The following HECTD2 variants were observed in gnomAD, a reference collection of about 807,000 sequenced individuals.
HECTD2 encodes the protein probable E3 ubiquitin-protein ligase HECTD2.
Under a neutral mutation model 103.2 loss-of-function variants are expected in HECTD2, and 35 were observed. The ratio of observed to expected loss-of-function variants is 0.34; its 90% confidence interval spans 0.26 to 0.45. HECTD2 has a LOEUF of 0.45. Ranked by LOEUF, HECTD2 falls within the 20% of genes least tolerant of loss-of-function variation. The pLI, the probability that HECTD2 is intolerant of heterozygous loss-of-function variation, is 1.00. For missense variants in HECTD2, 596 were observed against 937.4 expected (o/e 0.64, Z 4.76); for synonymous variants, 281 against 329.9 (o/e 0.85, Z 1.61).
chr10:91,477,447 C>T (rs184991712), intron 5 of HECTD2, among the ~76,000 whole-genome samples: 41 of 152,270 alleles, frequency 2.7e-4, no homozygotes, highest in Non-Finnish European at 5.7e-4. Flanking sequence ...TTTTCTCCTG[C>T]AGCTTTTGTT....
At chr10:91,435,406 A>G (rs999714848) in intron 2 of HECTD2, among the ~76,000 whole-genome samples, 1 of 152,010 alleles carries the variant, frequency 6.6e-6, no homozygotes, top group East Asian at 1.9e-4. Context: ...CAGCAGAGAA[A>G]GAGGAGAGCA....
At chr10:91,500,059 G>A (rs1452579037) in intron 18 of HECTD2, among the ~76,000 whole-genome samples, 1 of 152,084 alleles carries the variant, frequency 6.6e-6, no homozygotes, top group Non-Finnish European at 1.5e-5. Context: ...ATCTCTGTAG[G>A]CGGTAGACTA....
intron 6 of HECTD2, among the ~76,000 whole-genome samples, chr10:91,479,981 G>C (rs1846035532): frequency 6.6e-6 from 1 of 151,904 alleles, no homozygotes; most frequent in South Asian, 2.1e-4. Context: ...AGATTTGCCT[G>C]ATTTTCTGTT....
chr10:91,460,078 G>C (rs1253436298), intron 2 of HECTD2, among the ~76,000 whole-genome samples: 1 of 152,062 alleles, frequency 6.6e-6, no homozygotes, highest in East Asian at 1.9e-4. Context: ...TAAAAACATT[G>C]AGCCTCATTG....
At chr10:91,443,636 A>G (rs1844461450) in intron 2 of HECTD2, among the ~76,000 whole-genome samples, 1 of 151,784 alleles carries the variant, frequency 6.6e-6, no homozygotes, top group Non-Finnish European at 1.5e-5. Context: ...TGCTCTCTTC[A>G]CAGCTGGCAG....
intron 9 of HECTD2, 92 bp from the exon 10 acceptor site, chr10:91,485,088 C>T (rs1157257354): frequency 3.6e-6 from 3 of 823,550 alleles, no homozygotes; most frequent in African/African-American, 1.8e-5. Flanking sequence ...TAGGTCAAGG[C>T]TGTCTTGTAG....
At chr10:91,486,673 G>A (rs1438688735) in intron 10 of HECTD2, 2 of 152,080 alleles carry the variant, frequency 1.3e-5, no homozygotes, top group African/African-American at 2.4e-5. Context: ...GAGAACCCCT[G>A]TCCTAAAGTA....
At chr10:91,438,787 G>C (rs996444534) in intron 2 of HECTD2, among the ~76,000 whole-genome samples, 3 of 152,122 alleles carry the variant, frequency 2.0e-5, no homozygotes, top group Non-Finnish European at 4.4e-5. Context: ...GCATGAGATG[G>C]TATCTCATTG....
intron 7 of HECTD2, 22 bp from the exon 8 acceptor site, chr10:91,482,945 T>A: frequency 9.0e-7 from 1 of 1,116,506 alleles, no homozygotes; most frequent in Non-Finnish European, 1.3e-6. Context: ...TTTAACACAA[T>A]TATCTTTAAT....
intron 5 of HECTD2, among the ~76,000 whole-genome samples, chr10:91,470,034 A>G (rs1216968001): frequency 6.6e-6 from 1 of 152,244 alleles, no homozygotes; most frequent in African/African-American, 2.4e-5. Flanking sequence ...TCCCAAATAT[A>G]TATGTACCTA....
Position 91,487,294 on chromosome 10 carries a change from G to A in HECTD2, c.1095-388G>A, listed in dbSNP as rs1846300023. 4.6e-6 allele frequency: 1 copy of A among 219,758 alleles called. No individual in the cohort carries two copies. Among genetic ancestry groups the A allele is most frequent in the African/African-American group, 2.3e-5 (1 of 44,064 alleles). The allele number at this position is 219,758 out of a possible 1,614,324, so 13.6% of individuals were successfully genotyped here. On this transcript the variant is annotated intron_variant, in intron 10 of 20. Coordinates refer to ENST00000298068, the MANE Select transcript of HECTD2 (RefSeq NM_182765.6). This position sits in a 1 kb window ranked among gnomAD's most constrained non-coding sequence, Gnocchi z 4.1. ...ACATCAGAAGTCACCATATAATGAT[G>A]GATTCTTATATTAATTTTGAGCACC...
chr10:91,511,589 G>A (rs1847420165), intron 20 of HECTD2, among the ~76,000 whole-genome samples: 1 of 152,086 alleles, frequency 6.6e-6, no homozygotes, highest in Non-Finnish European at 1.5e-5. Context: ...TGGTAGTTTT[G>A]GATGAAACTG....
At chr10:91,455,596 T>A (rs1845051763) in intron 2 of HECTD2, among the ~76,000 whole-genome samples, 1 of 152,156 alleles carries the variant, frequency 6.6e-6, no homozygotes, top group South Asian at 2.1e-4. Context: ...ATTTGTCAAT[T>A]TTGGCTTTTG....
intron 15 of HECTD2, among the ~76,000 whole-genome samples, chr10:91,496,792 T>C (rs148586448): frequency 0.013 from 1,941 of 152,184 alleles, 39 homozygotes; most frequent in African/African-American, 0.044. Context: ...ATGTAAAATA[T>C]AGAAAATCAT....
intron 1 of HECTD2, among the ~76,000 whole-genome samples, chr10:91,411,519 G>A (rs955743520): frequency 2.0e-5 from 3 of 152,024 alleles, no homozygotes; most frequent in African/African-American, 7.3e-5. Context: ...ATTCCTACTT[G>A]CGGTTCATTT....
intron 7 of HECTD2, among the ~76,000 whole-genome samples, chr10:91,481,431 C>A (rs978826004): frequency 3.3e-5 from 5 of 151,596 alleles, no homozygotes; most frequent in African/African-American, 1.2e-4. Context: ...CCAGAGTATT[C>A]AGGAACAAAC....
At position 91,501,328 on chromosome 10, in the gene HECTD2, C is replaced by T. The variant is rs1275867150; in HGVS notation, c.2204C>T (p.Thr735Ile). The T allele has an allele frequency of 1.3e-6, 2 of 1,583,720 alleles. No individual in the cohort carries two copies. The highest frequency in any genetic ancestry group is 1.4e-5 in the African/African-American group (1 of 73,448). ...NFKISKNETSTNCLPVAHTCF... is the reference protein window; with the variant it reads ...NFKISKNETSINCLPVAHTCF... Reference sequence around the variant, plus strand: ...AAAATCTCAAAGAATGAAACTTCTACTAACTGGTAAATTTCTGGATCTAAT... The same window carrying T: ...AAAATCTCAAAGAATGAAACTTCTATTAACTGGTAAATTTCTGGATCTAAT... Residue 735 changes from threonine to isoleucine, a missense_variant, in exon 20 of 21, where the codon ACT becomes ATT. Transcript: ENST00000298068.
chr10:91,512,173 A>ATG lies in HECTD2; in HGVS notation c.2211-83_2211-82dup. ...TCTTAACAGAGTGAAATAGATTTGA[A>ATG]TGTGTGTGTCCTGGTATTTTTTAAA... On this transcript the variant is annotated intron_variant, in intron 20 of 20. Transcript: ENST00000298068. The ATG allele has an allele frequency of 2.3e-6, 3 of 1,317,226 alleles. No individual in the cohort carries two copies. In the South Asian group the frequency reaches 4.0e-5, roughly 17 times the overall value. 81.6% of individuals were successfully genotyped at this position (1,317,226 alleles called of 1,614,324 possible).
chr10:91,510,150 TG>T (rs1223535647), intron 20 of HECTD2, among the ~76,000 whole-genome samples: 3 of 152,178 alleles, frequency 2.0e-5, no homozygotes, highest in Non-Finnish European at 4.4e-5. Context: ...ATAAAGTCCA[TG>T]GAGAAAATAA....
Sources: gnomAD v4.1 joint callset for allele counts (sites outside exome capture counted in the v4.1 genomes callset) on GRCh38, gnomAD v4.1.1 for gene constraint, Gnocchi (gnomAD v3.1) non-coding constraint, MANE v1.5 for transcripts, NCBI Gene and HGNC (gene_info 2026-07-23, HGNC 2026-07-21) for gene names.